Variants in SEPTIN14 observed in about 807,000 individuals in gnomAD.
SEPTIN14 encodes the protein septin 14.
In SEPTIN14, 40 loss-of-function variants were observed where a neutral mutation model predicts 53.6. That is an observed-to-expected ratio of 0.75 (90% CI 0.58 to 0.97). The LOEUF is 0.97. Ranked by LOEUF, SEPTIN14 falls within the 50% of genes least tolerant of loss-of-function variation. SEPTIN14 has a pLI of 0.00. For synonymous variants in SEPTIN14, 138 were observed against 166.8 expected, an observed-to-expected ratio of 0.83 and a Z score of 1.33; for missense variants, 471 against 508.2, an observed-to-expected ratio of 0.93 and a Z score of 0.70.
At chr7:55,835,445 G>A (rs1055993391) in intron 5 of SEPTIN14, among the ~76,000 whole-genome samples, 2 of 151,790 alleles carry the variant, frequency 1.3e-5, no homozygotes, top group Admixed American at 6.6e-5. Context: ...CTCGTGATCC[G>A]CTCGCCTCAG....
At chr7:55,823,640 G>C (rs1021455273) in intron 6 of SEPTIN14, among the ~76,000 whole-genome samples, 1 of 152,158 alleles carries the variant, frequency 6.6e-6, no homozygotes, top group African/African-American at 2.4e-5. Flanking sequence ...AGGTGGGGGT[G>C]TCACTGGCTG....
At position 55,806,976 on chromosome 7, in the gene SEPTIN14, T is replaced by C; in HGVS notation, c.986+114A>G. 9.2e-6 allele frequency: 7 copies of C among 761,676 alleles called. No individual in the cohort carries two copies. In the South Asian group the frequency reaches 1.0e-4, roughly 11 times the overall value. 47.2% of individuals were successfully genotyped at this position (761,676 alleles called of 1,614,324 possible). A position where few individuals can be genotyped will look rare whatever the true frequency, so the allele number is the denominator to read the frequency against. On this transcript the variant is annotated intron_variant, in intron 8 of 9. Coordinates refer to ENST00000388975, the MANE Select transcript of SEPTIN14 (RefSeq NM_207366.3). ...ACCTAACATTCAGGTGTTTTCTTTA[T>C]GATGGCTCAAGATGGGAGAAGTATA...
chr7:55,816,058 G>T (rs1215905739), intron 7 of SEPTIN14, among the ~76,000 whole-genome samples: 1 of 152,172 alleles, frequency 6.6e-6, no homozygotes, highest in Admixed American at 6.5e-5. Flanking sequence ...CAACATGGAT[G>T]GAACTGAGGA....
intron 7 of SEPTIN14, among the ~76,000 whole-genome samples, chr7:55,814,970 G>A (rs1378820888): frequency 2.6e-5 from 4 of 151,998 alleles, no homozygotes; most frequent in Non-Finnish European, 1.5e-5. Flanking sequence ...ACAGAATAGC[G>A]AACCCAGAAA....
intron 2 of SEPTIN14, among the ~76,000 whole-genome samples, chr7:55,852,184 A>G (rs1789529852): frequency 6.6e-6 from 1 of 151,994 alleles, no homozygotes; most frequent in Non-Finnish European, 1.5e-5. Flanking sequence ...AATAGAAAAA[A>G]TAATCCTAAA....
chr7:55,810,463 G>A (rs1788680542), intron 7 of SEPTIN14, among the ~76,000 whole-genome samples: 1 of 134,072 alleles, frequency 7.5e-6, no homozygotes, highest in African/African-American at 2.8e-5. Context: ...TGTTGCTGGT[G>A]TTTTTGAAGT....
intron 1 of SEPTIN14, among the ~76,000 whole-genome samples, chr7:55,862,345 A>C (rs757094884): frequency 2.0e-5 from 3 of 152,128 alleles, no homozygotes; most frequent in Non-Finnish European, 2.9e-5. Context: ...GAAAGTAGAA[A>C]ATTTTGCTTT....
chr7:55,823,525 G>T, intron 6 of SEPTIN14, among the ~76,000 whole-genome samples: 1 of 152,164 alleles, frequency 6.6e-6, no homozygotes, highest in Non-Finnish European at 1.5e-5. Context: ...ACACAGGCAG[G>T]CTGGGGCATG....
intron 7 of SEPTIN14, among the ~76,000 whole-genome samples, chr7:55,817,629 C>T (rs567217371): frequency 5.9e-5 from 9 of 152,032 alleles, no homozygotes; most frequent in African/African-American, 1.9e-4. Context: ...GCCACCATGC[C>T]TGGCTAATTT....
chr7:55,806,237 G>A (rs556447349), intron 8 of SEPTIN14, among the ~76,000 whole-genome samples: 18 of 151,992 alleles, frequency 1.2e-4, no homozygotes, highest in Non-Finnish European at 1.8e-4. Flanking sequence ...CTGACCTCAG[G>A]TAATCTGCCT....
chr7:55,835,315 G>C (rs1458439039), intron 5 of SEPTIN14, among the ~76,000 whole-genome samples: 1 of 151,882 alleles, frequency 6.6e-6, no homozygotes, highest in Non-Finnish European at 1.5e-5. Flanking sequence ...CCATTCTCCT[G>C]CCTCAGCCTC....
intron 6 of SEPTIN14, among the ~76,000 whole-genome samples, chr7:55,830,027 A>C (rs1789069972): frequency 6.7e-6 from 1 of 150,170 alleles, no homozygotes; most frequent in African/African-American, 2.4e-5. Context: ...AAATACAAAA[A>C]ATTAGCCGGG....
chr7:55,846,099 A>G (rs1789404884), intron 3 of SEPTIN14, among the ~76,000 whole-genome samples: 1 of 138,068 alleles, frequency 7.2e-6, no homozygotes, highest in Non-Finnish European at 1.6e-5. Context: ...ATATGTATAC[A>G]TGCTAGCCCT....
intron 2 of SEPTIN14, among the ~76,000 whole-genome samples, chr7:55,853,051 A>C (rs1789546904): frequency 6.6e-6 from 1 of 152,222 alleles, no homozygotes; most frequent in Non-Finnish European, 1.5e-5. Flanking sequence ...AATGCTGGCG[A>C]AAATGTGGAA....
At chr7:55,854,008 C>T (rs1365706505) in intron 2 of SEPTIN14, among the ~76,000 whole-genome samples, 2 of 151,972 alleles carry the variant, frequency 1.3e-5, no homozygotes, top group Admixed American at 6.6e-5. Context: ...GTCGTCCCAG[C>T]TACTCTGGAG....
chr7:55,855,317 C>T lies in SEPTIN14; in HGVS notation c.54+6626G>A, dbSNP rs1161089721. Among the ~76,000 whole-genome samples the T allele has an allele frequency of 5.2e-5, 7 of 133,394 alleles. No individual in the cohort carries two copies. In the East Asian group the frequency reaches 1.8e-3, roughly 34 times the overall value. The allele number at this position is 133,394 out of a possible 152,430, so 87.5% of individuals were successfully genotyped here. On this transcript the variant is annotated intron_variant, in intron 2 of 9. Coordinates refer to ENST00000388975, the MANE Select transcript of SEPTIN14 (RefSeq NM_207366.3). ...GCCACGGCGCCCGGTCAGATCACAACTTTTTAAAAACTCATCCTAGTACTG... is the reference window on the plus strand; with the variant it reads ...GCCACGGCGCCCGGTCAGATCACAATTTTTTAAAAACTCATCCTAGTACTG...
At chr7:55,821,702 C>G (rs1329108956) in intron 6 of SEPTIN14, among the ~76,000 whole-genome samples, 4 of 152,162 alleles carry the variant, frequency 2.6e-5, no homozygotes, top group Non-Finnish European at 2.9e-5. Flanking sequence ...CATCTCTCAG[C>G]TACTGTGGAT....
chr7:55,813,617 A>G (rs2115980222), intron 7 of SEPTIN14, among the ~76,000 whole-genome samples: 1 of 152,164 alleles, frequency 6.6e-6, no homozygotes, highest in South Asian at 2.1e-4. Flanking sequence ...GTAGCAGCTC[A>G]GCCACAGTAA....
chr7:55,826,256 T>C (rs1338409447), intron 6 of SEPTIN14, among the ~76,000 whole-genome samples: 2 of 152,234 alleles, frequency 1.3e-5, no homozygotes, highest in Non-Finnish European at 2.9e-5. Flanking sequence ...CACACTGCCA[T>C]ACATTAGATT....
Sources: allele counts gnomAD v4.1 joint callset (sites outside exome capture counted in the v4.1 genomes callset), GRCh38; gene constraint gnomAD v4.1.1; transcripts MANE v1.5; gene names NCBI Gene and HGNC (gene_info 2026-07-23, HGNC 2026-07-21).